DENND2C: variants seen among roughly 807,000 people sequenced by gnomAD.
The protein encoded by DENND2C is DENN domain-containing protein 2C.
A neutral mutation model predicts 112.4 loss-of-function variants in DENND2C; 72 were observed. That is an observed-to-expected ratio of 0.64 (90% confidence interval 0.53 to 0.78). DENND2C has a LOEUF of 0.78. DENND2C is among the 30% of genes least tolerant of loss of function. DENND2C has a pLI of 0.00. For synonymous variants in DENND2C, 329 were observed against 381.6 expected (o/e 0.86, Z 1.61); for missense variants, 992 against 1,113.8 (o/e 0.89, Z 1.56).
At chr1:114,624,025 C>G (rs975014231) in intron 4 of DENND2C, among the ~76,000 whole-genome samples, 3 of 152,166 alleles carry the variant, frequency 2.0e-5, no homozygotes, top group African/African-American at 7.2e-5. Flanking sequence ...AAATTCTAAT[C>G]TTCTTTAAAT....
Position 114,608,854 on chromosome 1 carries a change from T to G in DENND2C, c.1389A>C (p.Ala463=). 3 of 1,614,218 alleles carry G rather than the reference T, an allele frequency of 1.9e-6. No individual in the cohort carries two copies. The highest frequency in any genetic ancestry group is 2.5e-6 in the Non-Finnish European group (3 of 1,180,024). The change falls in exon 10 of 21, where the codon GCA becomes GCC. Residue 463 remains alanine (A), a synonymous_variant. Coordinates refer to ENST00000393274, the MANE Select transcript of DENND2C (RefSeq NM_001256404.2). Reference sequence around the variant, plus strand: ...TCCTCTTGGAAGACGGTTGCAGTTGTGCTAAGCGTTTATGGCGATCTGTAA... The same window carrying G: ...TCCTCTTGGAAGACGGTTGCAGTTGGGCTAAGCGTTTATGGCGATCTGTAA... ...YLPKNRHKRL[A]QLQPSSKRNP...
At chr1:114,599,011 G>A (rs1655420079) in intron 16 of DENND2C, among the ~76,000 whole-genome samples, 1 of 152,084 alleles carries the variant, frequency 6.6e-6, no homozygotes, top group Admixed American at 6.6e-5. Context: ...TTAATCCAGA[G>A]TAGTGTACCC....
intron 3 of DENND2C, among the ~76,000 whole-genome samples, chr1:114,635,865 G>A (rs1279721527): frequency 2.0e-5 from 3 of 151,926 alleles, no homozygotes; most frequent in East Asian, 1.9e-4. Flanking sequence ...AAGTAGCCAG[G>A]CATAGTGGCG....
At chr1:114,617,961 T>G (rs1434226505) in intron 8 of DENND2C, among the ~76,000 whole-genome samples, 1 of 151,634 alleles carries the variant, frequency 6.6e-6, no homozygotes, top group East Asian at 2.0e-4. Flanking sequence ...AAGTTTATGC[T>G]TAAGTGGGAT....
At chr1:114,612,614 G>A (rs904254850) in intron 8 of DENND2C, among the ~76,000 whole-genome samples, 5 of 151,774 alleles carry the variant, frequency 3.3e-5, no homozygotes, top group Admixed American at 1.3e-4. Context: ...CCACCTCCAG[G>A]GTTCAAGCAG....
chr1:114,615,857 C>T (rs949545579), intron 8 of DENND2C, among the ~76,000 whole-genome samples: 61 of 152,136 alleles, frequency 4.0e-4, no homozygotes, highest in Admixed American at 3.7e-3. Context: ...GGGTGGATCA[C>T]GAGGTCAGAA....
chr1:114,643,729 T>C (rs1656905004), intron 3 of DENND2C, among the ~76,000 whole-genome samples: 1 of 152,196 alleles, frequency 6.6e-6, no homozygotes, highest in Non-Finnish European at 1.5e-5. Context: ...TCAAGAAATA[T>C]GTAAGAATCT....
chr1:114,666,098 A>C (rs1657640395), intron 1 of DENND2C, among the ~76,000 whole-genome samples: 1 of 152,230 alleles, frequency 6.6e-6, no homozygotes, highest in South Asian at 2.1e-4. Flanking sequence ...TAAAAAACTA[A>C]GTCATTTACT....
chr1:114,618,385 C>A lies in DENND2C; in HGVS notation c.1324+1G>T. On this transcript the variant is annotated splice_donor_variant, in intron 8 of 20. Transcript: ENST00000393274. LOFTEE classifies it high-confidence loss of function. Reference sequence around the variant, plus strand: ...TAGCTGGAACGAAAAACAATTCTTACCTTTTGTCGGAGGTAATTCCTTTCC... The same window carrying A: ...TAGCTGGAACGAAAAACAATTCTTAACTTTTGTCGGAGGTAATTCCTTTCC... The A allele has an allele frequency of 6.4e-7, 1 of 1,564,406 alleles. No homozygotes were observed.
intron 8 of DENND2C, among the ~76,000 whole-genome samples, chr1:114,611,913 A>G (rs910535924): frequency 3.3e-5 from 5 of 152,206 alleles, no homozygotes; most frequent in African/African-American, 1.2e-4. Context: ...CCTAGAAGTC[A>G]TAAGTGAAAT....
intron 3 of DENND2C, among the ~76,000 whole-genome samples, chr1:114,640,700 C>A (rs1480240406): frequency 1.3e-5 from 2 of 152,216 alleles, no homozygotes; most frequent in Non-Finnish European, 2.9e-5. Flanking sequence ...CAACTTCATG[C>A]ACTGAAACTG....
At chr1:114,600,395 A>G in intron 14 of DENND2C, 43 bp from the exon 15 acceptor site, 4 of 1,611,636 alleles carry the variant, frequency 2.5e-6, no homozygotes, top group Non-Finnish European at 3.4e-6. Context: ...ATGTTGGAAA[A>G]CAATCCCTAG....
At chr1:114,590,059 C>T (rs17032798) in intron 18 of DENND2C, among the ~76,000 whole-genome samples, 4,094 of 152,250 alleles carry the variant, frequency 0.027, 199 homozygotes, top group African/African-American at 0.093. Context: ...TTGTATTCTT[C>T]TGCAACTTAC....
intron 1 of DENND2C, among the ~76,000 whole-genome samples, chr1:114,656,680 G>A (rs1657338496): frequency 6.6e-6 from 1 of 152,098 alleles, no homozygotes; most frequent in Non-Finnish European, 1.5e-5. Context: ...ACAGGCATGA[G>A]CCGCCGCACC....
Position 114,667,349 on chromosome 1 carries a change from T to C in DENND2C, c.-574+2634A>G, listed in dbSNP as rs1375534915. Among the ~76,000 whole-genome samples the C allele has an allele frequency of 3.9e-5, 6 of 152,230 alleles. No homozygotes were observed. In the East Asian group the frequency reaches 9.6e-4, roughly 24 times the overall value. ...GTAGAGCCTTATTTACATGTTGGGT[T>C]ATAAGCTTCTTAAAGACAGGGAAGC... On this transcript the variant is annotated intron_variant, in intron 1 of 20. Transcript: ENST00000393274.
rs144439964 is a variant in DENND2C, at chr1:114,638,247, C to T, written c.-205+7201G>A. 1.4e-4 allele frequency among the ~76,000 whole-genome samples: 21 copies of T among 152,174 alleles called. No homozygotes were observed. The East Asian group carries it at 4.1e-3, about 29-fold the overall frequency. ...TCTGTAAAAAAAAATGAACCTCAAC[C>T]TTTACCCATAACATTTACAAAATTT... On this transcript the variant is annotated intron_variant, in intron 3 of 20. Transcript: ENST00000393274.
chr1:114,665,965 G>A (rs1044761023), intron 1 of DENND2C, among the ~76,000 whole-genome samples: 3 of 151,990 alleles, frequency 2.0e-5, no homozygotes, highest in African/African-American at 7.3e-5. Flanking sequence ...ATCCTCTCTC[G>A]ACATCTCCAC....
At chr1:114,589,907 C>A (rs989439003) in intron 18 of DENND2C, among the ~76,000 whole-genome samples, 1 of 152,130 alleles carries the variant, frequency 6.6e-6, no homozygotes, top group Non-Finnish European at 1.5e-5. Flanking sequence ...CAATGGCATT[C>A]TTCTTCTACT....
intron 16 of DENND2C, among the ~76,000 whole-genome samples, chr1:114,596,321 A>G (rs1288644699): frequency 6.6e-6 from 1 of 152,168 alleles, no homozygotes; most frequent in East Asian, 1.9e-4. Flanking sequence ...TGATTGCGCC[A>G]ATGCACTCCA....
Sources: allele counts gnomAD v4.1 joint callset (sites outside exome capture counted in the v4.1 genomes callset), GRCh38; gene constraint gnomAD v4.1.1; transcripts MANE v1.5; gene names NCBI Gene and HGNC (gene_info 2026-07-23, HGNC 2026-07-21).